The following CBR4 variants were observed in gnomAD, a reference collection of about 807,000 sequenced individuals.
CBR4 encodes the protein carbonyl reductase 4.
Under a neutral mutation model 21.0 loss-of-function variants are expected in CBR4, and 22 were observed. That is an observed-to-expected ratio of 1.05 (90% CI 0.75 to 1.50). The LOEUF (loss-of-function observed/expected upper bound fraction) is 1.50, where lower values mean the gene tolerates loss of function less well. CBR4 is among the 40% of genes most tolerant of loss of function. CBR4 has a pLI of 0.00. For synonymous variants in CBR4, 100 were observed against 104.4 expected (o/e 0.96, Z 0.26); for missense variants, 302 against 286.3 (o/e 1.05, Z -0.40).
At chr4:169,009,750 G>A (rs1308416551) in intron 1 of CBR4, among the ~76,000 whole-genome samples, 198 bp downstream of exon 1, 1 of 152,262 alleles carries the variant, frequency 6.6e-6, no homozygotes, top group Non-Finnish European at 1.5e-5. Context: ...TGCGTGGCCG[G>A]CATTCTGCGA....
At chr4:168,952,641 T>C (rs948729715) in intron 2 of CBR4, among the ~76,000 whole-genome samples, 21 of 152,176 alleles carry the variant, frequency 1.4e-4, no homozygotes, top group African/African-American at 4.8e-4. Context: ...CTTTTTCCTA[T>C]GGATGTGGCT....
At chr4:168,972,827 T>C (rs1273007051) in intron 2 of CBR4, among the ~76,000 whole-genome samples, 1 of 152,224 alleles carries the variant, frequency 6.6e-6, no homozygotes, top group East Asian at 1.9e-4. Flanking sequence ...ATAGAAGTAG[T>C]GAAAGTGGGC....
intron 2 of CBR4, among the ~76,000 whole-genome samples, chr4:168,979,508 G>C (rs991761218): frequency 2.0e-5 from 3 of 151,748 alleles, no homozygotes; most frequent in Non-Finnish European, 4.4e-5. Flanking sequence ...TGGCAGCTCT[G>C]TGTTTGCCTG....
At chr4:168,996,524 G>C (rs1169079505) in intron 4 of CBR4, among the ~76,000 whole-genome samples, 1 of 151,088 alleles carries the variant, frequency 6.6e-6, no homozygotes, top group Admixed American at 6.6e-5. Context: ...GTTTACATTA[G>C]GGTTCACTCT....
intron 2 of CBR4, among the ~76,000 whole-genome samples, chr4:168,979,644 C>A (rs1306163497): frequency 6.6e-6 from 1 of 152,162 alleles, no homozygotes; most frequent in Non-Finnish European, 1.5e-5. Context: ...CATGTCGCAG[C>A]CACCACAGGG....
At chr4:168,958,157 G>A (rs1260467858) in intron 2 of CBR4, among the ~76,000 whole-genome samples, 1 of 151,988 alleles carries the variant, frequency 6.6e-6, no homozygotes, top group Admixed American at 6.6e-5. Flanking sequence ...CCAGCTACTC[G>A]GGAGGCTGAG....
chr4:168,899,529 A>C (rs545578052), intron 2 of CBR4, among the ~76,000 whole-genome samples: 19 of 152,322 alleles, frequency 1.2e-4, no homozygotes, highest in Middle Eastern at 3.4e-3. Flanking sequence ...CCTTATATAA[A>C]GGTAATAATA....
At chr4:168,926,134 T>C in intron 2 of CBR4, 1 of 1,192,626 alleles carries the variant, frequency 8.4e-7, no homozygotes, top group Non-Finnish European at 1.1e-6. Context: ...ATCTAGACAT[T>C]CTGTATTTAT....
At chr4:168,998,534 A>G (rs1244138007) in intron 4 of CBR4, among the ~76,000 whole-genome samples, 3 of 152,192 alleles carry the variant, frequency 2.0e-5, no homozygotes, top group East Asian at 1.9e-4. Flanking sequence ...GGAAAGAAAT[A>G]GGGAATGAAT....
At chr4:168,916,609 T>A (rs1031281858) in intron 2 of CBR4, among the ~76,000 whole-genome samples, 9 of 152,246 alleles carry the variant, frequency 5.9e-5, no homozygotes, top group Admixed American at 3.9e-4. Flanking sequence ...AAATCTACCA[T>A]GTCTTCATTC....
At chr4:168,927,938 T>C (rs1167722640) in intron 2 of CBR4, 1 of 199,874 alleles carries the variant, frequency 5.0e-6, no homozygotes, top group Non-Finnish European at 1.0e-5. Context: ...TGGCCTCTCT[T>C]AGCTCAGTTA....
chr4:168,953,263 C>A (rs374148636), intron 2 of CBR4, among the ~76,000 whole-genome samples: 5 of 151,110 alleles, frequency 3.3e-5, no homozygotes, highest in African/African-American at 1.2e-4. Context: ...TTACTCCCAC[C>A]GTGCCCCCCC....
chr4:168,899,400 A>G (rs576642504), intron 2 of CBR4, among the ~76,000 whole-genome samples: 1 of 152,202 alleles, frequency 6.6e-6, no homozygotes, highest in Non-Finnish European at 1.5e-5. Context: ...AAAAGAATAA[A>G]AAAAAGGGAA....
At chr4:168,957,467 CCTTT>C (rs1763720166) in intron 2 of CBR4, among the ~76,000 whole-genome samples, 1 of 152,082 alleles carries the variant, frequency 6.6e-6, no homozygotes, top group Non-Finnish European at 1.5e-5. Flanking sequence ...TGCTATCCTC[CCTTT>C]GTTTTTACCA....
At chr4:168,916,486 T>TCTTTG (rs1760119978) in intron 2 of CBR4, among the ~76,000 whole-genome samples, 2 of 141,528 alleles carry the variant, frequency 1.4e-5, no homozygotes, top group Non-Finnish European at 3.2e-5. Flanking sequence ...TTACTATGAT[T>TCTTTG]CTTTAAATCT....
chr4:168,971,436 A>ATTTTTT lies in CBR4; in HGVS notation n.169+30629_169+30634dup, dbSNP rs70961566. On this transcript the variant is annotated intron_variant and non_coding_transcript_variant, in intron 2 of 3. Transcript: ENST00000509108. ...AGGCACACACCACCATGCCCAGCTC[A>ATTTTTT]TTTTTTTTTTTTTTTTTTTTTTGTA... is the stretch of plus-strand genomic sequence containing the variant. Among the ~76,000 whole-genome samples the ATTTTTT allele has an allele frequency of 1.1e-4, 13 of 114,080 alleles. 2 individuals carry two copies. The highest frequency in any genetic ancestry group is 2.6e-4 in the South Asian group (1 of 3,814). 74.8% of individuals were successfully genotyped at this position (114,080 alleles called of 152,430 possible). A position where few individuals can be genotyped will look rare whatever the true frequency, so the allele number is the denominator to read the frequency against.
intron 2 of CBR4, among the ~76,000 whole-genome samples, chr4:168,940,866 G>A (rs1453861362): frequency 6.6e-6 from 1 of 152,222 alleles, no homozygotes; most frequent in Non-Finnish European, 1.5e-5. Context: ...GTGGAAGACA[G>A]TGTGGCGATT....
Position 168,970,334 on chromosome 4 carries a change from CATTTT to C in CBR4, n.169+31732_169+31736del, listed in dbSNP as rs996312512. Among the ~76,000 whole-genome samples the C allele has an allele frequency of 9.5e-4, 145 of 152,204 alleles. 1 individual carries two copies. Among genetic ancestry groups the C allele is most frequent in the African/African-American group, 3.4e-3 (140 of 41,544 alleles). ...ATTCACTTCCATATGTTCTACCAAG[CATTTT>C]ATTTTGATATTTAAGTACTTTTTTC... On this transcript the variant is annotated intron_variant and non_coding_transcript_variant, in intron 2 of 3. Coordinates refer to the CBR4 transcript ENST00000509108.
At chr4:168,981,888 T>C (rs1764557271) in intron 2 of CBR4, among the ~76,000 whole-genome samples, 1 of 152,242 alleles carries the variant, frequency 6.6e-6, no homozygotes, top group African/African-American at 2.4e-5. Context: ...CCACCAGGTC[T>C]GCCTTACAAG....
Sources: allele counts gnomAD v4.1 joint callset (sites outside exome capture counted in the v4.1 genomes callset), GRCh38; gene constraint gnomAD v4.1.1; transcripts MANE v1.5; gene names NCBI Gene and HGNC (gene_info 2026-07-23, HGNC 2026-07-21).